The following ISL2 variants were observed in gnomAD, a reference collection of about 807,000 sequenced individuals.
ISL2 encodes the protein ISL LIM homeobox 2.
A neutral mutation model predicts 34.6 loss-of-function variants in ISL2; 17 were observed. That is an observed-to-expected ratio of 0.49 (90% confidence interval 0.34 to 0.74). ISL2 has a LOEUF of 0.74. Ranked by LOEUF, ISL2 falls within the 30% of genes least tolerant of loss-of-function variation. ISL2 has a pLI of 0.01. For synonymous variants in ISL2, 232 were observed against 225.5 expected, an observed-to-expected ratio of 1.03 and a Z score of -0.26; for missense variants, 469 against 515.2, an observed-to-expected ratio of 0.91 and a Z score of 0.87.
At chr15:76,338,033 CGG>C in intron 2 of ISL2, 66 bp downstream of exon 2, 3 of 1,341,374 alleles carry the variant, frequency 2.2e-6, no homozygotes, top group Non-Finnish European at 2.9e-6. Context: ...CTGGGGATGG[CGG>C]CCTGCCCGCG....
Position 76,340,422 on chromosome 15 carries a change from A to G in ISL2, c.658A>G (p.Met220Val). Residue 220 changes from methionine to valine, a missense_variant, in exon 4 of 6, where the codon ATG (methionine) becomes GTG (valine). By Grantham distance (21) the Met-to-Val change is conservative. Around this residue, in one of 3 missense-constraint regions of ISL2, gnomAD observed 297 missense variants for 337.8 expected, o/e 0.88. Transcript: ENST00000290759. ...YAANPRPDAL[M>V]KEQLVEMTGL... Reference sequence around the variant, plus strand: ...CGCCAACCCGCGGCCCGACGCTCTCATGAAGGAGCAGCTGGTGGAGATGAC... The same window carrying G: ...CGCCAACCCGCGGCCCGACGCTCTCGTGAAGGAGCAGCTGGTGGAGATGAC... The G allele has an allele frequency of 6.2e-7, 1 of 1,613,464 alleles. No homozygotes were observed. Among genetic ancestry groups the G allele is most frequent in the Non-Finnish European group, 8.5e-7 (1 of 1,179,694 alleles).
chr15:76,337,573 G>A, intron 1 of ISL2: 1 of 475,714 alleles, frequency 2.1e-6, no homozygotes, highest in East Asian at 3.4e-5. Context: ...GTGGGGGACA[G>A]AAGAAACCTT....
At chr15:76,341,477 G>T (rs895095049) in intron 5 of ISL2, among the ~76,000 whole-genome samples, 176 bp downstream of exon 5, 4 of 152,188 alleles carry the variant, frequency 2.6e-5, no homozygotes, top group Non-Finnish European at 4.4e-5. Context: ...CCCATTACGC[G>T]CCCTAAACCA....
In ISL2 at chr15:76,340,352, T is replaced by G; in HGVS notation, c.588T>G (p.Thr196=). Residue 196 remains threonine, a synonymous_variant, in exon 4 of 6, where the codon ACT becomes ACG. Coordinates refer to ENST00000290759, the MANE Select transcript of ISL2 (RefSeq NM_145805.3). ...KQTEKTTRVR[T]VLNEKQLHTL... ...CGGAGAAGACGACCCGCGTGCGGAC[T>G]GTGCTGAACGAGAAGCAGCTGCACA... The G allele has an allele frequency of 6.2e-7, 1 of 1,613,106 alleles. No homozygotes were observed. The highest frequency in any genetic ancestry group is 8.5e-7 in the Non-Finnish European group (1 of 1,179,930).
intron 3 of ISL2, chr15:76,339,777 G>T: frequency 1.0e-6 from 1 of 993,388 alleles, no homozygotes; most frequent in Non-Finnish European, 1.2e-6. Flanking sequence ...AATGGGCTCT[G>T]AAGGAGGGGA....
chr15:76,337,498 G>A (rs994152475), intron 1 of ISL2: 3 of 437,332 alleles, frequency 6.9e-6, no homozygotes, highest in Non-Finnish European at 1.2e-5. Flanking sequence ...TCGTGTTTGC[G>A]TTTAGTTTCA....
chr15:76,341,408 G>A (rs2040193044), intron 5 of ISL2, 107 bp downstream of exon 5: 2 of 613,298 alleles, frequency 3.3e-6, no homozygotes, highest in Non-Finnish European at 5.2e-6. Flanking sequence ...GAGGGGCTGG[G>A]TACAGCCCTA....
Position 76,341,218 on chromosome 15 carries a change from G to T in ISL2, c.880G>T (p.Val294Leu). 1 of 1,612,252 alleles carries T rather than the reference G, an allele frequency of 6.2e-7. No homozygotes were observed. The highest frequency in any genetic ancestry group is 1.1e-5 in the South Asian group (1 of 90,814). The change falls in exon 5 of 6, where the codon GTG becomes TTG. Residue 294 changes from valine (V) to leucine (L), a missense_variant. Val to Leu is a conservative substitution (Grantham distance 32). This residue lies in a region of ISL2 where 169 missense variants were observed against 154.2 expected (regional missense o/e 1.10). Transcript: ENST00000290759. The part of the protein sequence containing the change: ...ENAVQGSAVE[V>L]QTYQPPWKAL... ...CGCCGTGCAGGGCAGCGCAGTGGAG[G>T]TGCAGACGTACCAGCCGCCGTGGAA... is the stretch of plus-strand genomic sequence containing the variant.
In ISL2 at chr15:76,342,181, C is replaced by G. The variant is rs994974234; in HGVS notation, c.*346C>G. Reference sequence around the variant, plus strand: ...TCTCGGCCGGCCCGGAGCTCGCCCACGCGGACCCCCGCCCTGCCCCAGCTC... The same window carrying G: ...TCTCGGCCGGCCCGGAGCTCGCCCAGGCGGACCCCCGCCCTGCCCCAGCTC... On this transcript the variant is annotated 3_prime_UTR_variant, in exon 6 of 6. Coordinates refer to ENST00000290759, the MANE Select transcript of ISL2 (RefSeq NM_145805.3). 5.3e-6 allele frequency: 1 copy of G among 189,536 alleles called. No homozygotes were observed. The highest frequency in any genetic ancestry group is 1.1e-5 in the Non-Finnish European group (1 of 92,602). The allele number at this position is 189,536 out of a possible 1,614,324, so 11.7% of individuals were successfully genotyped here.
chr15:76,338,461 G>C lies in ISL2; in HGVS notation c.458G>C (p.Gly153Ala). ...CTCCTGCTCGAGCGCGCCGCGGCCG[G>C]CAGCCCGCGCAGCCCCGGCCCGCTT... ...HGLLLERAAAGSPRSPGPLPG... is the reference protein window; with the variant it reads ...HGLLLERAAAASPRSPGPLPG... Residue 153 changes from glycine to alanine, a missense_variant, in exon 3 of 6, where the codon GGC becomes GCC. Physicochemically the swap from Gly to Ala is moderately conservative, Grantham distance 60. Transcript: ENST00000290759. 7.2e-7 allele frequency: 1 copy of C among 1,391,644 alleles called. No individual in the cohort carries two copies. Among genetic ancestry groups the C allele is most frequent in the Non-Finnish European group, 9.3e-7 (1 of 1,077,548 alleles). The allele number at this position is 1,391,644 out of a possible 1,614,324, so 86.2% of individuals were successfully genotyped here.
intron 1 of ISL2, 92 bp downstream of exon 1, chr15:76,337,033 A>G: frequency 8.7e-7 from 1 of 1,145,488 alleles, no homozygotes; most frequent in Non-Finnish European, 1.3e-6. Context: ...TGGATTCTAC[A>G]AGTGGCTTCT....
intron 3 of ISL2, chr15:76,338,728 G>A (rs1380028436): frequency 3.0e-6 from 3 of 985,338 alleles, no homozygotes; most frequent in Non-Finnish European, 3.6e-6. Context: ...ATGAGTGTGT[G>A]AGCACGGAGA....
rs574516161 is a variant in ISL2 at position 76,340,257 on chromosome 15, C to T, written c.512-19C>T. 103 of 1,576,048 alleles carry T rather than the reference C, an allele frequency of 6.5e-5. 3 individuals are homozygous for T. The South Asian group carries it at 1.2e-3, about 18-fold the overall frequency. ...GTGGCGGCCCCTCGCTAACCTCTGG[C>T]CTCACCCTGTCCTGGCAGACGCTGG... On this transcript the variant is annotated intron_variant, in intron 3 of 5. Transcript: ENST00000290759.
intron 2 of ISL2, 140 bp downstream of exon 2, chr15:76,338,107 C>G (rs1472240275): frequency 3.7e-6 from 5 of 1,347,848 alleles, no homozygotes; most frequent in Non-Finnish European, 4.8e-6. Flanking sequence ...CAGCGCTCCC[C>G]CGGGCCCGGG....
At chr15:76,337,031 AC>A in intron 1 of ISL2, 90 bp downstream of exon 1, 1 of 1,157,356 alleles carries the variant, frequency 8.6e-7, no homozygotes, top group Non-Finnish European at 1.3e-6. Flanking sequence ...AGTGGATTCT[AC>A]AAGTGGCTTC....
intron 3 of ISL2, chr15:76,338,946 C>T: frequency 1.0e-6 from 1 of 985,406 alleles, no homozygotes; most frequent in East Asian, 1.1e-4. Context: ...GGGAGCTGGG[C>T]AGGAGCTTGG....
intron 3 of ISL2, chr15:76,339,953 A>T: frequency 8.6e-7 from 1 of 1,158,122 alleles, no homozygotes; most frequent in Non-Finnish European, 1.1e-6. Context: ...GCTCGTTCCG[A>T]GGGTCCTGCG....
intron 3 of ISL2, chr15:76,340,008 G>C (rs1596240451): frequency 1.5e-6 from 2 of 1,291,588 alleles, no homozygotes; most frequent in Non-Finnish European, 9.8e-7. Context: ...TCCCCGCAGC[G>C]GCCTGTCGCC....
chr15:76,337,634 G>C, intron 1 of ISL2, 144 bp from the exon 2 acceptor site: 1 of 689,574 alleles, frequency 1.5e-6, no homozygotes. Flanking sequence ...TGGACCTTTA[G>C]AGAGCTCATC....
Sources: gnomAD v4.1 joint callset for allele counts (sites outside exome capture counted in the v4.1 genomes callset) on GRCh38, gnomAD v4.1.1 for gene constraint, gnomAD v4.1.1 regional missense constraint, MANE v1.5 for transcripts, NCBI Gene and HGNC (gene_info 2026-07-23, HGNC 2026-07-21) for gene names.